Variants in FAM229B observed in about 807,000 individuals in gnomAD.
FAM229B encodes protein FAM229B.
In FAM229B, 2 loss-of-function variants were observed where a neutral mutation model predicts 6.7. The ratio of observed to expected loss-of-function variants is 0.30; its 90% CI spans 0.12 to 0.94. FAM229B has a LOEUF of 0.94. Among genes scored for constraint, FAM229B ranks in the 40% least tolerant of loss-of-function variants. FAM229B has a pLI of 0.54. For synonymous variants in FAM229B, 29 were observed against 34.0 expected, an observed-to-expected ratio of 0.85 and a Z score of 0.51; for missense variants, 93 against 96.2, an observed-to-expected ratio of 0.97 and a Z score of 0.14.
At chr6:112,092,775 T>C (rs1281472308) in intron 1 of FAM229B, among the ~76,000 whole-genome samples, 1 of 152,006 alleles carries the variant, frequency 6.6e-6, no homozygotes, top group Non-Finnish European at 1.5e-5. Flanking sequence ...AAATGGAATA[T>C]ACTTTTATAT....
In FAM229B at chr6:112,100,651, C is replaced by T. The variant is rs1308849712; in HGVS notation, c.126-19C>T. ...CTCTTTTTAGTATCTAACTACATGT[C>T]ATCTGCTTTTTTATTCAGGCAACTC... On this transcript the variant is annotated intron_variant, in intron 3 of 3. Coordinates refer to ENST00000368656, the MANE Select transcript of FAM229B (RefSeq NM_001033564.3). The T allele has an allele frequency of 1.3e-6, 2 of 1,542,936 alleles. No individual in the cohort carries two copies. Among genetic ancestry groups the T allele is most frequent in the African/African-American group, 1.4e-5 (1 of 73,524 alleles).
intron 2 of FAM229B, among the ~76,000 whole-genome samples, chr6:112,097,906 A>T (rs782078303): frequency 4.3e-4 from 66 of 152,226 alleles, no homozygotes; most frequent in Non-Finnish European, 8.8e-4. Context: ...ACAAAAAATG[A>T]GGGTAGTGTT....
chr6:112,091,619 A>G (rs185466651), intron 1 of FAM229B, among the ~76,000 whole-genome samples: 295 of 152,268 alleles, frequency 1.9e-3, no homozygotes, highest in African/African-American at 6.6e-3. Flanking sequence ...TCCCAGAACA[A>G]AACTTAAAAA....
At position 112,100,844 on chromosome 6, in the gene FAM229B, T is replaced by C; in HGVS notation, c.*57T>C. The C allele has an allele frequency of 2.5e-6, 3 of 1,199,340 alleles. No homozygotes were observed. Among genetic ancestry groups the C allele is most frequent in the Non-Finnish European group, 3.7e-6 (3 of 810,504 alleles). 74.3% of individuals were successfully genotyped at this position (1,199,340 alleles called of 1,614,324 possible). ...GGTCAAGGGTAATGGACCAGTATCATCTGGTGATCTGGTAAACAAATAAAA... is the reference window on the plus strand; with the variant it reads ...GGTCAAGGGTAATGGACCAGTATCACCTGGTGATCTGGTAAACAAATAAAA... On this transcript the variant is annotated 3_prime_UTR_variant, in exon 4 of 4. Transcript: ENST00000368656.
At chr6:112,093,972 A>C (rs1238087935) in intron 1 of FAM229B, among the ~76,000 whole-genome samples, 3 of 152,108 alleles carry the variant, frequency 2.0e-5, no homozygotes, top group Non-Finnish European at 2.9e-5. Flanking sequence ...AATAACCCAT[A>C]GGTCAAAGAA....
chr6:112,096,330 G>A (rs907915561), intron 1 of FAM229B, among the ~76,000 whole-genome samples: 3 of 152,212 alleles, frequency 2.0e-5, no homozygotes, highest in Non-Finnish European at 4.4e-5. Flanking sequence ...GCCGAGGCGG[G>A]CGGATCACGA....
chr6:112,091,383 A>T (rs1777254943), intron 1 of FAM229B, among the ~76,000 whole-genome samples: 1 of 152,168 alleles, frequency 6.6e-6, no homozygotes. Context: ...CACTGGAAAT[A>T]AGCGGGCAGA....
chr6:112,100,924 C>A lies in FAM229B; in HGVS notation c.*137C>A, dbSNP rs587727519. On this transcript the variant is annotated 3_prime_UTR_variant, in exon 4 of 4. Coordinates refer to ENST00000368656, the MANE Select transcript of FAM229B (RefSeq NM_001033564.3). ...TTGAGCTCTTTACTTTTAGTAAGAC[C>A]GACAGAAATGTAGTCAGTAAAGCAC... is the stretch of plus-strand genomic sequence containing the variant. The A allele has an allele frequency of 1.0e-5, 7 of 671,038 alleles. No homozygotes were observed. Among genetic ancestry groups the A allele is most frequent in the Non-Finnish European group, 1.3e-5 (5 of 376,446 alleles). The allele number at this position is 671,038 out of a possible 1,614,324, so 41.6% of individuals were successfully genotyped here.
chr6:112,099,431 G>A (rs782078383), intron 3 of FAM229B, 23 bp downstream of exon 3: 5 of 1,604,120 alleles, frequency 3.1e-6, no homozygotes, highest in South Asian at 1.1e-5. Context: ...GTCCTCACAA[G>A]TGAGGAGATA....
At position 112,102,758 on chromosome 6, in the gene FAM229B, T is replaced by A. The variant is rs1554319428; in HGVS notation, c.*1971T>A. On this transcript the variant is annotated 3_prime_UTR_variant, in exon 4 of 4. Transcript: ENST00000368656. ...AGTGCATCCAAGGGGAGAAAACCCA[T>A]CAAAATAAAAATAAAAACTACAATA... is the stretch of plus-strand genomic sequence containing the variant. 6.6e-6 allele frequency: 1 copy of A among 150,772 alleles called. No individual in the cohort carries two copies. Among genetic ancestry groups the A allele is most frequent in the African/African-American group, 2.4e-5 (1 of 40,908 alleles). The allele number at this position is 150,772 out of a possible 1,614,324, so 9.3% of individuals were successfully genotyped here.
intron 1 of FAM229B, among the ~76,000 whole-genome samples, chr6:112,089,236 A>C (rs1447780091): frequency 6.6e-6 from 1 of 152,128 alleles, no homozygotes; most frequent in Non-Finnish European, 1.5e-5. Context: ...AAAAAGAAAA[A>C]AATTATTGGG....
At chr6:112,097,985 G>A (rs1777349110) in intron 2 of FAM229B, among the ~76,000 whole-genome samples, 1 of 152,122 alleles carries the variant, frequency 6.6e-6, no homozygotes, top group African/African-American at 2.4e-5. Flanking sequence ...TAGACATTTT[G>A]GGCTGTCACA....
Position 112,100,847 on chromosome 6 carries a change from G to A in FAM229B, c.*60G>A. ...CAAGGGTAATGGACCAGTATCATCT[G>A]GTGATCTGGTAAACAAATAAAAGTG... is the stretch of plus-strand genomic sequence containing the variant. On this transcript the variant is annotated 3_prime_UTR_variant, in exon 4 of 4. Coordinates refer to ENST00000368656, the MANE Select transcript of FAM229B (RefSeq NM_001033564.3). 8.3e-7 allele frequency: 1 copy of A among 1,209,198 alleles called. No individual in the cohort carries two copies. Among genetic ancestry groups the A allele is most frequent in the East Asian group, 2.3e-5 (1 of 42,822 alleles). The allele number at this position is 1,209,198 out of a possible 1,614,324, so 74.9% of individuals were successfully genotyped here. A position where few individuals can be genotyped will look rare whatever the true frequency, so the allele number is the denominator to read the frequency against.
chr6:112,095,159 A>G (rs1554318534), intron 1 of FAM229B, among the ~76,000 whole-genome samples: 1 of 152,218 alleles, frequency 6.6e-6, no homozygotes, highest in Admixed American at 6.5e-5. Context: ...GATTTCAAGA[A>G]TGACACAAAA....
intron 1 of FAM229B, among the ~76,000 whole-genome samples, chr6:112,090,195 G>C (rs1777239886): frequency 7.0e-6 from 1 of 142,758 alleles, no homozygotes; most frequent in Non-Finnish European, 1.5e-5. Flanking sequence ...ATATAATTCA[G>C]AGTTGTGGGT....
At position 112,102,498 on chromosome 6, in the gene FAM229B, A is replaced by G. The variant is rs191406717; in HGVS notation, c.*1711A>G. ...AGACTTTGTCTCAAAAAAAAAGAAA[A>G]ACAAAGAAAAATTCCTCAGAGCTCA... On this transcript the variant is annotated 3_prime_UTR_variant, in exon 4 of 4. Coordinates refer to ENST00000368656, the MANE Select transcript of FAM229B (RefSeq NM_001033564.3). The G allele has an allele frequency of 1.6e-4, 25 of 152,360 alleles. No individual in the cohort carries two copies. The highest frequency in any genetic ancestry group is 1.4e-3 in the Admixed American group (22 of 15,288). 9.4% of individuals were successfully genotyped at this position (152,360 alleles called of 1,614,324 possible).
intron 1 of FAM229B, among the ~76,000 whole-genome samples, chr6:112,093,896 A>G (rs181420927): frequency 5.3e-5 from 8 of 152,272 alleles, no homozygotes; most frequent in Admixed American, 4.6e-4. Context: ...ATGGAACCTA[A>G]TTAGAAATCA....
At chr6:112,094,387 T>TAA (rs780296339) in intron 1 of FAM229B, among the ~76,000 whole-genome samples, 18 of 152,170 alleles carry the variant, frequency 1.2e-4, no homozygotes, top group Non-Finnish European at 2.4e-4. Flanking sequence ...CAGACTCCAT[T>TAA]TATTTTCTGT....
intron 1 of FAM229B, among the ~76,000 whole-genome samples, chr6:112,094,296 A>G (rs1777294866): frequency 6.6e-6 from 1 of 152,220 alleles, no homozygotes. Flanking sequence ...ATTATTTGAT[A>G]GGCTTCCTTG....
Sources: allele counts gnomAD v4.1 joint callset (sites outside exome capture counted in the v4.1 genomes callset), GRCh38; gene constraint gnomAD v4.1.1; transcripts MANE v1.5; gene names NCBI Gene and HGNC (gene_info 2026-07-23, HGNC 2026-07-21).